The following CDH18 variants were observed in gnomAD, a reference collection of about 807,000 sequenced individuals.
CDH18 encodes cadherin 18.
In CDH18, 31 loss-of-function variants were observed where a neutral mutation model predicts 67.9. The observed-to-expected ratio is 0.46, with a 90% confidence interval of 0.34 to 0.62. CDH18 has a LOEUF of 0.62. Ranked by LOEUF, CDH18 falls within the 20% of genes least tolerant of loss-of-function variation. The pLI, the probability that CDH18 is intolerant of heterozygous loss-of-function variation, is 0.01. For missense variants in CDH18, 890 were observed against 975.5 expected (o/e 0.91, Z 1.17); for synonymous variants, 362 against 347.2 (o/e 1.04, Z -0.48).
intron 2 of CDH18, among the ~76,000 whole-genome samples, chr5:20,104,120 G>GAT (rs1216745686): frequency 6.6e-6 from 1 of 150,634 alleles, no homozygotes; most frequent in African/African-American, 2.4e-5. Flanking sequence ...TATATTTATA[G>GAT]ATATATATGC....
Position 19,612,589 on chromosome 5 carries a change from G to A in CDH18, c.656C>T (p.Thr219Met), listed in dbSNP as rs756583982. 3.7e-6 allele frequency: 6 copies of A among 1,611,784 alleles called. No homozygotes were observed. The highest frequency in any genetic ancestry group is 1.3e-5 in the African/African-American group (1 of 74,818). Residue 219 changes from threonine (T) to methionine (M), a missense_variant, in exon 6 of 13, where the codon ACG becomes ATG. Transcript: ENST00000382275. The part of the protein sequence containing the change: ...SVDPKTGVIR[T>M]ALHNMDREAR... ...TTCTCTGTCCATGTTATGTAAGGCC[G>A]TTCTAATAACTCCTGTAATAGATAT...
chr5:19,566,972 C>A (rs1740519529), intron 8 of CDH18, among the ~76,000 whole-genome samples: 1 of 151,906 alleles, frequency 6.6e-6, no homozygotes, highest in Non-Finnish European at 1.5e-5. Flanking sequence ...TGAAATAAGC[C>A]AGGCACAGAA....
intron 1 of CDH18, among the ~76,000 whole-genome samples, chr5:19,982,394 T>C (rs1021477806): frequency 6.7e-6 from 1 of 150,158 alleles, no homozygotes; most frequent in Non-Finnish European, 1.5e-5. Context: ...AAAACTCACA[T>C]TTTTCTCTCA....
At chr5:20,286,052 A>C (rs73056725) in intron 1 of CDH18, among the ~76,000 whole-genome samples, 11,991 of 151,622 alleles carry the variant, frequency 0.079, 577 homozygotes, top group East Asian at 0.14. Context: ...AAGTGTGAAA[A>C]ATATTTGCTT....
intron 1 of CDH18, among the ~76,000 whole-genome samples, chr5:20,384,391 A>G (rs1744149191): frequency 6.6e-6 from 1 of 152,120 alleles, no homozygotes; most frequent in Non-Finnish European, 1.5e-5. Context: ...GTCAAAAGCC[A>G]CCCATGTTGT....
At chr5:20,135,105 C>T (rs1483174202) in intron 2 of CDH18, among the ~76,000 whole-genome samples, 1 of 152,086 alleles carries the variant, frequency 6.6e-6, no homozygotes, top group Admixed American at 6.6e-5. Flanking sequence ...TGAGAAAGTG[C>T]TGGTAAAATA....
At position 20,312,087 on chromosome 5, in the gene CDH18, G is replaced by C. The variant is rs146651997; in HGVS notation, c.-579-56582C>G. Among the ~76,000 whole-genome samples the C allele has an allele frequency of 2.5e-3, 376 of 152,246 alleles. 3 individuals carry two copies. The highest frequency in any genetic ancestry group is 8.8e-3 in the African/African-American group (366 of 41,564). ...TGCACCATGTTATATCTAATTGTCA[G>C]TATTCTTTTTCCCTCTGTCACAGCA... is the stretch of plus-strand genomic sequence containing the variant. On this transcript the variant is annotated intron_variant, in intron 1 of 14. Transcript: ENST00000507958.
At chr5:19,811,580 T>A (rs1194326998) in intron 3 of CDH18, among the ~76,000 whole-genome samples, 2 of 152,116 alleles carry the variant, frequency 1.3e-5, no homozygotes, top group African/African-American at 2.4e-5. Context: ...GCTACTTTGT[T>A]ACGGCAGCTC....
intron 1 of CDH18, among the ~76,000 whole-genome samples, chr5:20,411,398 CA>C (rs35944483): frequency 0.52 from 79,131 of 151,398 alleles, 21,185 homozygotes; most frequent in Middle Eastern, 0.62. Flanking sequence ...ATTATATACA[CA>C]AAAAAAAGTC....
At chr5:20,385,114 G>A (rs968534759) in intron 1 of CDH18, among the ~76,000 whole-genome samples, 1 of 152,168 alleles carries the variant, frequency 6.6e-6, no homozygotes, top group African/African-American at 2.4e-5. Context: ...TGGGGTTACA[G>A]GTGTGAGCCA....
intron 1 of CDH18, among the ~76,000 whole-genome samples, chr5:20,375,017 T>G (rs553002151): frequency 6.6e-6 from 1 of 152,272 alleles, no homozygotes; most frequent in African/African-American, 2.4e-5. Context: ...TTTTTAAATA[T>G]TGTTTAGTTA....
At chr5:19,806,446 G>A (rs577387305) in intron 3 of CDH18, among the ~76,000 whole-genome samples, 1 of 152,316 alleles carries the variant, frequency 6.6e-6, no homozygotes, top group East Asian at 1.9e-4. Context: ...CTTTTGAAGT[G>A]AAATAGGGTT....
At chr5:19,570,586 G>C (rs1371230805) in intron 8 of CDH18, among the ~76,000 whole-genome samples, 1 of 151,954 alleles carries the variant, frequency 6.6e-6, no homozygotes, top group Admixed American at 6.6e-5. Context: ...AGGATTTCAT[G>C]GTAAAAATTA....
chr5:19,576,133 G>A (rs1442856998), intron 7 of CDH18, among the ~76,000 whole-genome samples: 1 of 151,962 alleles, frequency 6.6e-6, no homozygotes, highest in African/African-American at 2.4e-5. Context: ...GACCTAAAAC[G>A]ATAAATCTAC....
intron 2 of CDH18, among the ~76,000 whole-genome samples, chr5:19,970,191 A>C (rs1286726524): frequency 6.6e-6 from 1 of 151,624 alleles, no homozygotes; most frequent in Non-Finnish European, 1.5e-5. Flanking sequence ...AATAGACAGA[A>C]AGAAGCAAAT....
intron 1 of CDH18, among the ~76,000 whole-genome samples, chr5:20,486,681 G>GTGTATA (rs1753200873): frequency 2.4e-5 from 3 of 122,602 alleles, no homozygotes; most frequent in African/African-American, 9.5e-5. Context: ...TGCTATTTTT[G>GTGTATA]TATATATATA....
At chr5:20,536,185 C>T (rs1425364331) in intron 1 of CDH18, among the ~76,000 whole-genome samples, 1 of 152,056 alleles carries the variant, frequency 6.6e-6, no homozygotes, top group Admixed American at 6.6e-5. Context: ...TACTACATAT[C>T]CTATAATATA....
At chr5:19,983,903 T>C (rs546759180) in intron 1 of CDH18, among the ~76,000 whole-genome samples, 2 of 152,304 alleles carry the variant, frequency 1.3e-5, no homozygotes, top group African/African-American at 4.8e-5. Context: ...TGCAACCATA[T>C]GCAATAATCA....
chr5:20,029,160 C>T (rs1739170318), intron 2 of CDH18, among the ~76,000 whole-genome samples: 1 of 152,090 alleles, frequency 6.6e-6, no homozygotes, highest in African/African-American at 2.4e-5. Context: ...ATTTAAACAT[C>T]TCAATTGTTC....
Sources: gnomAD v4.1 joint callset for allele counts (sites outside exome capture counted in the v4.1 genomes callset) on GRCh38, gnomAD v4.1.1 for gene constraint, MANE v1.5 for transcripts, NCBI Gene and HGNC (gene_info 2026-07-23, HGNC 2026-07-21) for gene names.